Variants in PDZK1 observed in about 807,000 individuals in gnomAD.
PDZK1 encodes the protein Na(+)/H(+) exchange regulatory cofactor NHE-RF3.
In PDZK1, 23 loss-of-function variants were observed where a neutral mutation model predicts 38.1. The observed-to-expected ratio is 0.60, with a 90% confidence interval of 0.43 to 0.85. The LOEUF (loss-of-function observed/expected upper bound fraction) is 0.85, where lower values mean the gene tolerates loss of function less well. PDZK1 is among the 40% of genes least tolerant of loss of function. The probability of loss-of-function intolerance (pLI) is 0.00; values close to 1 mark genes in which losing one functional copy is unlikely to be tolerated. For synonymous variants in PDZK1, 98 were observed against 186.2 expected (o/e 0.53, Z 3.86); for missense variants, 297 against 504.3 (o/e 0.59, Z 3.94).
intron 8 of PDZK1, among the ~76,000 whole-genome samples, chr1:145,672,023 T>TAG (rs1653115405): frequency 6.6e-6 from 1 of 152,024 alleles, no homozygotes; most frequent in Non-Finnish European, 1.5e-5. Flanking sequence ...TAAACTTTTT[T>TAG]AGAGTCTCGG....
At chr1:145,697,016 C>A (rs1244622942) in intron 1 of PDZK1, among the ~76,000 whole-genome samples, 16 of 152,076 alleles carry the variant, frequency 1.1e-4, no homozygotes. Context: ...ATACCTGTAT[C>A]TAAGTGATAG....
intron 1 of PDZK1, among the ~76,000 whole-genome samples, chr1:145,701,019 A>G (rs1390740067): frequency 1.3e-5 from 2 of 152,136 alleles, no homozygotes; most frequent in African/African-American, 4.8e-5. Flanking sequence ...AGCCTGACCA[A>G]TATGGTGAAA....
intron 1 of PDZK1, among the ~76,000 whole-genome samples, chr1:145,694,551 A>G (rs72704277): frequency 0.05 from 7,610 of 152,162 alleles, 237 homozygotes; most frequent in Non-Finnish European, 0.078. Context: ...GTTATACACC[A>G]CCCCTATTCT....
chr1:145,705,772 A>C (rs1553705635), intron 1 of PDZK1, among the ~76,000 whole-genome samples: 1 of 152,056 alleles, frequency 6.6e-6, no homozygotes, highest in East Asian at 1.9e-4. Flanking sequence ...TGTTTTTTAG[A>C]CAGGATCTCA....
Position 145,682,749 on chromosome 1 carries a change from T to G in PDZK1, c.461-113A>C, listed in dbSNP as rs2624709. ...CCAGTCCTGTGATTGCCTCCCGATT[T>G]CTACTTCATTTACTGTCCCTAGTCT... On this transcript the variant is annotated intron_variant, in intron 3 of 8. Coordinates refer to ENST00000417171, the MANE Select transcript of PDZK1 (RefSeq NM_001201325.2). The G allele has an allele frequency of 2.2e-6, 3 of 1,348,786 alleles. No homozygotes were observed. In the African/African-American group the frequency reaches 4.4e-5, roughly 20 times the overall value. The allele number at this position is 1,348,786 out of a possible 1,614,324, so 83.6% of individuals were successfully genotyped here.
rs782424184 is a variant in PDZK1 at position 145,672,810 on chromosome 1, C to T, written c.1426G>A (p.Asp476Asn). ...GAATCTGGAGGGGTGTCAAGTGGAT[C>T]AGCCAGGGAGGAAACAATAGGGATT... ...KKIPIVSSLA[D>N]PLDTPPDSKE... Residue 476 changes from aspartate to asparagine, a missense_variant, in exon 8 of 9, where the codon GAT (aspartate) becomes AAT (asparagine). Transcript: ENST00000417171. 4 of 1,611,776 alleles carry T rather than the reference C, an allele frequency of 2.5e-6. No homozygotes were observed. The highest frequency in any genetic ancestry group is 3.4e-6 in the Non-Finnish European group (4 of 1,179,754).
At chr1:145,692,731 G>GAAT (rs1559074893) in intron 1 of PDZK1, among the ~76,000 whole-genome samples, 2 of 150,540 alleles carry the variant, frequency 1.3e-5, no homozygotes, top group Admixed American at 1.3e-4. Context: ...AGAAGAAGAA[G>GAAT]AAAGAAAGAA....
intron 2 of PDZK1, 95 bp downstream of exon 2, chr1:145,687,717 G>T: frequency 2.7e-6 from 3 of 1,095,600 alleles, no homozygotes; most frequent in Non-Finnish European, 2.8e-6. Context: ...AGCCAGGAAA[G>T]AACCAAACTC....
At chr1:145,687,019 C>T (rs1360544750) in intron 2 of PDZK1, among the ~76,000 whole-genome samples, 2 of 152,138 alleles carry the variant, frequency 1.3e-5, no homozygotes, top group Admixed American at 6.5e-5. Flanking sequence ...AGATTGTAAC[C>T]ATTCCTCCCG....
chr1:145,677,472 T>C (rs1436147381), intron 6 of PDZK1, among the ~76,000 whole-genome samples: 1 of 151,162 alleles, frequency 6.6e-6, no homozygotes, highest in African/African-American at 2.4e-5. Context: ...CAAGTTGATA[T>C]TCAGGTTGAT....
intron 6 of PDZK1, chr1:145,674,209 T>C: frequency 1.0e-6 from 1 of 985,356 alleles, no homozygotes; most frequent in Non-Finnish European, 1.2e-6. Context: ...AGCAAGTCAC[T>C]GAACAAGCTA....
intron 1 of PDZK1, among the ~76,000 whole-genome samples, chr1:145,699,220 G>A (rs587638759): frequency 3.8e-4 from 58 of 151,934 alleles, no homozygotes; most frequent in Non-Finnish European, 7.1e-4. Context: ...CCTGGGCAAC[G>A]AGTGAAACTC....
In PDZK1 at chr1:145,687,812, C is replaced by A; in HGVS notation, c.210G>T (p.Gln70His). 6.2e-7 allele frequency: 1 copy of A among 1,609,494 alleles called. No homozygotes were observed. The highest frequency in any genetic ancestry group is 8.5e-7 in the Non-Finnish European group (1 of 1,175,778). Residue 70 changes from glutamine (Q) to histidine (H), a missense_variant and splice_region_variant, in exon 2 of 9, where the codon CAG becomes CAT. Gln to His is a conservative substitution (Grantham distance 24, BLOSUM62 0). Coordinates refer to ENST00000417171, the MANE Select transcript of PDZK1 (RefSeq NM_001201325.2). ...GAAAAGCCCCAAATGTCTCATTCAC[C>A]TGCATATGTTCTTCTTTGTCCACAA... ...GVFVDKEEHM[Q>H]VVDLVRKSGN...
intron 1 of PDZK1, among the ~76,000 whole-genome samples, chr1:145,706,559 C>A (rs946772538): frequency 1.3e-5 from 2 of 152,180 alleles, no homozygotes; most frequent in Admixed American, 1.3e-4. Flanking sequence ...GGACCCAACC[C>A]AGACCAGGAG....
chr1:145,704,035 G>C (rs587657265), intron 1 of PDZK1, among the ~76,000 whole-genome samples: 1 of 152,060 alleles, frequency 6.6e-6, no homozygotes, highest in South Asian at 2.1e-4. Flanking sequence ...CACTATGTTG[G>C]CCAGGCTGGT....
intron 1 of PDZK1, among the ~76,000 whole-genome samples, chr1:145,701,075 C>T (rs1296683511): frequency 6.6e-6 from 1 of 151,888 alleles, no homozygotes; most frequent in Non-Finnish European, 1.5e-5. Context: ...TGTGGTGGCA[C>T]ACGCCTGTAG....
At chr1:145,700,931 G>C (rs587595860) in intron 1 of PDZK1, among the ~76,000 whole-genome samples, 5 of 152,148 alleles carry the variant, frequency 3.3e-5, no homozygotes, top group African/African-American at 7.2e-5. Context: ...GGGGCTGGGC[G>C]CGGGGGCTCA....
chr1:145,691,367 A>G (rs1308441209), intron 1 of PDZK1, among the ~76,000 whole-genome samples: 3 of 152,146 alleles, frequency 2.0e-5, no homozygotes, highest in Non-Finnish European at 4.4e-5. Context: ...CCCCTAATTC[A>G]GAGCTGGGGT....
At chr1:145,689,917 G>A (rs1655103365) in intron 1 of PDZK1, among the ~76,000 whole-genome samples, 1 of 152,038 alleles carries the variant, frequency 6.6e-6, no homozygotes. Context: ...CCCAATACCA[G>A]GCCTCTCCTG....
Sources: allele counts gnomAD v4.1 joint callset (sites outside exome capture counted in the v4.1 genomes callset), GRCh38; gene constraint gnomAD v4.1.1; transcripts MANE v1.5; gene names NCBI Gene and HGNC (gene_info 2026-07-23, HGNC 2026-07-21).